The following LVRN variants were observed in gnomAD, a reference collection of about 807,000 sequenced individuals.
LVRN encodes laeverin.
In LVRN, 99 loss-of-function variants were observed where a neutral mutation model predicts 111.4. That is an observed-to-expected ratio of 0.89 (90% CI 0.76 to 1.05). The LOEUF (loss-of-function observed/expected upper bound fraction) is 1.05, where lower values mean the gene tolerates loss of function less well. LVRN is among the 50% of genes least tolerant of loss of function. The pLI, the probability that LVRN is intolerant of heterozygous loss-of-function variation, is 0.00. For synonymous variants in LVRN, 488 were observed against 449.5 expected (o/e 1.09, Z -1.08); for missense variants, 1,414 against 1,206.8 (o/e 1.17, Z -2.54).
intron 3 of LVRN, among the ~76,000 whole-genome samples, chr5:115,986,269 C>G (rs550977730): frequency 7.8e-4 from 119 of 152,276 alleles, no homozygotes; most frequent in African/African-American, 2.8e-3. Context: ...TAAATCTGCT[C>G]AGGCATGATT....
chr5:115,971,029 C>T (rs1324074934), intron 1 of LVRN, among the ~76,000 whole-genome samples: 1 of 152,116 alleles, frequency 6.6e-6, no homozygotes, highest in Non-Finnish European at 1.5e-5. Context: ...GTTGGTATTG[C>T]CAGACTTTTT....
chr5:116,005,847 TTTTGAAAAC>T, intron 12 of LVRN, 56 bp from the exon 13 acceptor site: 1 of 1,363,640 alleles, frequency 7.3e-7, no homozygotes, highest in East Asian at 2.3e-5. Context: ...ATTGTTGTTA[TTTTGAAAAC>T]TTTGCGGAAA....
chr5:116,006,923 C>T (rs1748388077), intron 13 of LVRN, among the ~76,000 whole-genome samples: 1 of 152,114 alleles, frequency 6.6e-6, no homozygotes. Context: ...TCAATTTTTC[C>T]CTGCATGTCA....
At chr5:115,987,231 A>G (rs1202649554) in intron 3 of LVRN, among the ~76,000 whole-genome samples, 2 of 152,216 alleles carry the variant, frequency 1.3e-5, no homozygotes, top group South Asian at 2.1e-4. Flanking sequence ...TAGAAAAACA[A>G]GAGAATTATA....
At chr5:116,000,813 C>G (rs777589948) in intron 9 of LVRN, among the ~76,000 whole-genome samples, 155 bp downstream of exon 9, 1 of 152,148 alleles carries the variant, frequency 6.6e-6, no homozygotes, top group Non-Finnish European at 1.5e-5. Context: ...TTAGTCTTCA[C>G]TATATTCCCA....
At chr5:116,003,181 A>G (rs1748275488) in intron 11 of LVRN, 60 bp from the exon 12 acceptor site, 2 of 1,414,178 alleles carry the variant, frequency 1.4e-6, no homozygotes, top group Admixed American at 4.6e-5. Flanking sequence ...TGTAGTATTA[A>G]TAGGTATTAA....
In LVRN at chr5:116,025,971, C is replaced by T. The variant is rs368071725; in HGVS notation, c.2833-7C>T. 6.2e-7 allele frequency: 1 copy of T among 1,613,522 alleles called. No homozygotes were observed. The highest frequency in any genetic ancestry group is 1.3e-5 in the African/African-American group (1 of 75,026). On this transcript the variant is annotated splice_polypyrimidine_tract_variant and splice_region_variant and intron_variant, in intron 19 of 19. Coordinates refer to ENST00000357872, the MANE Select transcript of LVRN (RefSeq NM_173800.5). ...TGCACTGATCATCTGTCTCTCTGTC[C>T]TTCCAGCTGCAGCAGTTTTTCAGTA...
At position 115,991,219 on chromosome 5, in the gene LVRN, A is replaced by G. The variant is rs565720049; in HGVS notation, c.1106-904A>G. Among the ~76,000 whole-genome samples the G allele has an allele frequency of 3.3e-5, 5 of 152,238 alleles. No homozygotes were observed. The South Asian group carries it at 1.0e-3, about 32-fold the overall frequency. The stretch of plus-strand genomic sequence containing the variant: ...TATTTATCCTCCCCTGCTTCCCCCG[A>G]ATCCCTGACAACCACCAATCTTTTT... On this transcript the variant is annotated intron_variant, in intron 4 of 19. Transcript: ENST00000357872.
intron 1 of LVRN, among the ~76,000 whole-genome samples, chr5:115,968,773 G>T (rs571629162): frequency 6.6e-6 from 1 of 152,306 alleles, no homozygotes; most frequent in Admixed American, 6.5e-5. Flanking sequence ...TTCTATGAAA[G>T]TAATTTTTCA....
At chr5:116,003,568 G>T (rs2018850) in intron 12 of LVRN, among the ~76,000 whole-genome samples, 188 bp downstream of exon 12, 123,272 of 146,820 alleles carry the variant, frequency 0.84, 51,955 homozygotes, top group African/African-American at 0.91. Flanking sequence ...TGTCTGTGTG[G>T]TTTTTTTTTG....
intron 11 of LVRN, 149 bp from the exon 12 acceptor site, chr5:116,003,091 TA>T (rs1748271041): frequency 1.1e-6 from 1 of 884,940 alleles, no homozygotes; most frequent in Middle Eastern, 3.5e-4. Context: ...GAAAAATATA[TA>T]ATTACCTGGT....
Position 116,015,610 on chromosome 5 carries a change from G to T in LVRN, c.2619-18G>T. 2 of 1,578,158 alleles carry T rather than the reference G, an allele frequency of 1.3e-6. No homozygotes were observed. The highest frequency in any genetic ancestry group is 1.2e-5 in the South Asian group (1 of 84,154). On this transcript the variant is annotated intron_variant, in intron 17 of 19. Coordinates refer to ENST00000357872, the MANE Select transcript of LVRN (RefSeq NM_173800.5). ...GTTGGATGTTTAAAATGTATTTTTT[G>T]AAAATGCACTTTTGCAGATATATGG... is the stretch of plus-strand genomic sequence containing the variant.
intron 1 of LVRN, among the ~76,000 whole-genome samples, chr5:115,966,786 T>C (rs1189973596): frequency 6.6e-6 from 1 of 152,224 alleles, no homozygotes. Context: ...GAGTGATAGA[T>C]GTTCTCTGTA....
intron 9 of LVRN, among the ~76,000 whole-genome samples, 162 bp downstream of exon 9, chr5:116,000,820 C>T (rs1177113850): frequency 1.3e-5 from 2 of 152,080 alleles, no homozygotes; most frequent in African/African-American, 2.4e-5. Flanking sequence ...TCACTATATT[C>T]CCAGTGCCCA....
At chr5:115,972,128 A>T (rs1322257856) in intron 1 of LVRN, among the ~76,000 whole-genome samples, 1 of 152,104 alleles carries the variant, frequency 6.6e-6, no homozygotes, top group Non-Finnish European at 1.5e-5. Flanking sequence ...CAATGTTTTC[A>T]CAGATACACC....
At chr5:116,007,614 C>A (rs1748402072) in intron 13 of LVRN, among the ~76,000 whole-genome samples, 1 of 152,188 alleles carries the variant, frequency 6.6e-6, no homozygotes, top group African/African-American at 2.4e-5. Context: ...TAAGTCTCAT[C>A]TCTTCATTGA....
intron 3 of LVRN, 134 bp from the exon 4 acceptor site, chr5:115,987,679 C>A (rs962056253): frequency 1.9e-6 from 2 of 1,056,744 alleles, no homozygotes; most frequent in African/African-American, 1.6e-5. Flanking sequence ...TGTAAGCATG[C>A]AAGCATTTTA....
In LVRN at chr5:116,024,109, A is replaced by C. The variant is rs1259603259; in HGVS notation, c.2832+1643A>C. On this transcript the variant is annotated intron_variant, in intron 19 of 19. Coordinates refer to ENST00000357872, the MANE Select transcript of LVRN (RefSeq NM_173800.5). ...CCTGGGACAGAGAGAGATGGACTGC[A>C]AGGACCCTTTTTTGGGTAGAAGAAA... Among the ~76,000 whole-genome samples, 6 of 152,174 alleles carry C rather than the reference A, an allele frequency of 3.9e-5. No homozygotes were observed. In the East Asian group the frequency reaches 1.2e-3, roughly 29 times the overall value.
At chr5:116,017,389 G>T (rs1352156234) in intron 18 of LVRN, among the ~76,000 whole-genome samples, 1 of 152,226 alleles carries the variant, frequency 6.6e-6, no homozygotes, top group Non-Finnish European at 1.5e-5. Context: ...CACACAGGCT[G>T]TCCTGATTAT....
Sources: gnomAD v4.1 joint callset for allele counts (sites outside exome capture counted in the v4.1 genomes callset) on GRCh38, gnomAD v4.1.1 for gene constraint, MANE v1.5 for transcripts, NCBI Gene and HGNC (gene_info 2026-07-23, HGNC 2026-07-21) for gene names.